Variants in TSC22D2 observed in about 807,000 individuals in gnomAD.
TSC22D2 encodes TSC22 domain family protein 2.
In TSC22D2, 5 loss-of-function variants were observed where a neutral mutation model predicts 50.1. That is an observed-to-expected ratio of 0.10 (90% confidence interval 0.05 to 0.21). TSC22D2 has a LOEUF of 0.21. Among genes scored for constraint, TSC22D2 ranks in the 10% least tolerant of loss-of-function variants. TSC22D2 has a pLI of 1.00. For missense variants in TSC22D2, 1,003 were observed against 1,015.5 expected, an observed-to-expected ratio of 0.99 and a Z score of 0.17; for synonymous variants, 501 against 450.1, an observed-to-expected ratio of 1.11 and a Z score of -1.43.
chr3:150,415,003 G>A (rs1719747890), intron 1 of TSC22D2, among the ~76,000 whole-genome samples: 1 of 150,552 alleles, frequency 6.6e-6, no homozygotes, highest in Non-Finnish European at 1.5e-5. Flanking sequence ...TTCTTACTGA[G>A]GAGTTAGTAG....
intron 1 of TSC22D2, among the ~76,000 whole-genome samples, chr3:150,443,719 A>G (rs1720789402): frequency 6.6e-6 from 1 of 152,182 alleles, no homozygotes; most frequent in South Asian, 2.1e-4. Flanking sequence ...CACCCTTTAG[A>G]CTTAATTTTG....
At chr3:150,421,374 G>A (rs919570070) in intron 1 of TSC22D2, among the ~76,000 whole-genome samples, 2 of 152,056 alleles carry the variant, frequency 1.3e-5, no homozygotes, top group African/African-American at 4.8e-5. Flanking sequence ...ATGTTCAATT[G>A]GTTCAGTTAG....
intron 1 of TSC22D2, among the ~76,000 whole-genome samples, chr3:150,423,743 C>A (rs929053623): frequency 6.6e-6 from 1 of 152,132 alleles, no homozygotes; most frequent in African/African-American, 2.4e-5. Flanking sequence ...GCAAAAGATA[C>A]TTTGGTTTAT....
Position 150,411,297 on chromosome 3 carries a change from T to A in TSC22D2, c.1947T>A (p.Gly649=). 1 of 1,607,938 alleles carries A rather than the reference T, an allele frequency of 6.2e-7. No individual in the cohort carries two copies. The highest frequency in any genetic ancestry group is 1.7e-5 in the Admixed American group (1 of 59,328). ...SVFSIAIPVD[G]DEDSASGGGV... Reference sequence around the variant, plus strand: ...TCAGCATAGCTATTCCTGTTGATGGTGATGAAGACAGGTATGGAAATCTCT... The same window carrying A: ...TCAGCATAGCTATTCCTGTTGATGGAGATGAAGACAGGTATGGAAATCTCT... Residue 649 remains glycine (G), a synonymous_variant, in exon 1 of 3, where the codon GGT becomes GGA. Coordinates refer to ENST00000688009, the MANE Select transcript of TSC22D2 (RefSeq NM_001303264.2).
At chr3:150,457,260 T>C in intron 2 of TSC22D2, 133 bp downstream of exon 2, 2 of 829,740 alleles carry the variant, frequency 2.4e-6, no homozygotes, top group Non-Finnish European at 3.9e-6. Flanking sequence ...GATAATGAGA[T>C]TTAGTTGAAG....
chr3:150,455,522 T>C (rs1721158737), intron 1 of TSC22D2, among the ~76,000 whole-genome samples: 1 of 152,226 alleles, frequency 6.6e-6, no homozygotes, highest in African/African-American at 2.4e-5. Flanking sequence ...CATGTAATGA[T>C]TCAAGATTTC....
In TSC22D2 at chr3:150,425,003, C is replaced by T. The variant is rs904604251; in HGVS notation, c.1958+13695C>T. ...CAGTTGGCAACTATCTACAGAATTACTGATAGGTATATCAGCTAATAAAGT... is the reference window on the plus strand; with the variant it reads ...CAGTTGGCAACTATCTACAGAATTATTGATAGGTATATCAGCTAATAAAGT... On this transcript the variant is annotated intron_variant, in intron 1 of 2. Coordinates refer to ENST00000688009, the MANE Select transcript of TSC22D2 (RefSeq NM_001303264.2). Among the ~76,000 whole-genome samples, 5 of 152,136 alleles carry T rather than the reference C, an allele frequency of 3.3e-5. No individual in the cohort carries two copies. In the South Asian group the frequency reaches 6.2e-4, roughly 19 times the overall value.
Position 150,458,878 on chromosome 3 carries a change from G to A in TSC22D2, c.*242G>A. 4.5e-6 allele frequency: 2 copies of A among 445,784 alleles called. No individual in the cohort carries two copies. The highest frequency in any genetic ancestry group is 4.5e-5 in the South Asian group (1 of 22,068). 27.6% of individuals were successfully genotyped at this position (445,784 alleles called of 1,614,324 possible). ...AATAATAGATGGGGTTTATTAAAGC[G>A]AGCAAAGTCTGCATTTTACCTGGTG... On this transcript the variant is annotated 3_prime_UTR_variant, in exon 3 of 3. Transcript: ENST00000688009.
At position 150,409,773 on chromosome 3, in the gene TSC22D2, C is replaced by T. The variant is rs1248526204; in HGVS notation, c.423C>T (p.Gly141=). The T allele has an allele frequency of 1.2e-5, 19 of 1,602,106 alleles. No homozygotes were observed. Among genetic ancestry groups the T allele is most frequent in the Non-Finnish European group, 1.5e-5 (18 of 1,179,236 alleles). Residue 141 remains glycine (G), a synonymous_variant, in exon 1 of 3, where the codon GGC becomes GGT. Transcript: ENST00000688009. The surrounding 1 kb of genome is among the most constrained non-coding windows in gnomAD (Gnocchi z 7.4). ...PGAPGGPQLA[G]SSAGPVTAAP... The stretch of plus-strand genomic sequence containing the variant: ...CACCCGGCGGCCCCCAGCTCGCGGG[C>T]TCATCCGCCGGGCCAGTGACTGCAG...
In TSC22D2 at chr3:150,411,151, C is replaced by G. The variant is rs760290092; in HGVS notation, c.1801C>G (p.Leu601Val). The change falls in exon 1 of 3, where the codon CTA (leucine) becomes GTA (valine). Residue 601 changes from leucine to valine, a missense_variant. Coordinates refer to ENST00000688009, the MANE Select transcript of TSC22D2 (RefSeq NM_001303264.2). ...CGATACTAGAAGAAAATCAGAACCC[C>G]TACCTCAACCACCACTTTCTCTCAT... ...VDDTRRKSEP[L>V]PQPPLSLIAE... The G allele has an allele frequency of 6.2e-7, 1 of 1,614,176 alleles. No individual in the cohort carries two copies.
intron 1 of TSC22D2, chr3:150,438,357 A>G (rs1720615439): frequency 3.6e-6 from 1 of 277,912 alleles, no homozygotes; most frequent in African/African-American, 2.2e-5. Context: ...ATAAATTGGT[A>G]AGACTTAATG....
chr3:150,459,422 A>G lies in TSC22D2; in HGVS notation c.*786A>G, dbSNP rs1433280723. On this transcript the variant is annotated 3_prime_UTR_variant, in exon 3 of 3. Transcript: ENST00000688009. ...AAGAAAACTTTGTTCATTTGTTTCT[A>G]CTTTCTAAGAGAAATTGCCACGATT... 2 of 152,532 alleles carry G rather than the reference A, an allele frequency of 1.3e-5. No individual in the cohort carries two copies. Among genetic ancestry groups the G allele is most frequent in the African/African-American group, 2.4e-5 (1 of 41,436 alleles). The allele number at this position is 152,532 out of a possible 1,614,324, so 9.4% of individuals were successfully genotyped here.
intron 1 of TSC22D2, among the ~76,000 whole-genome samples, chr3:150,443,354 T>G (rs1414456816): frequency 2.6e-5 from 4 of 152,216 alleles, no homozygotes; most frequent in African/African-American, 9.6e-5. Flanking sequence ...TTTCTGTATT[T>G]TCATAGCTGC....
intron 1 of TSC22D2, among the ~76,000 whole-genome samples, chr3:150,434,795 T>C (rs1331344568): frequency 1.3e-5 from 2 of 152,116 alleles, no homozygotes; most frequent in East Asian, 3.9e-4. Context: ...TATATATGTG[T>C]ATATACATGT....
chr3:150,413,343 T>C (rs763714318), intron 1 of TSC22D2, among the ~76,000 whole-genome samples: 5 of 152,164 alleles, frequency 3.3e-5, no homozygotes, highest in African/African-American at 4.8e-5. Context: ...AGTCCTATTT[T>C]AAACATGACA....
In TSC22D2 at chr3:150,409,915, G is replaced by A; in HGVS notation, c.565G>A (p.Asp189Asn). ...GACGTGTATGGAATACTATGAGAGG[G>A]ATTCAGACAGCAGCGTCCTGACTAG... ...RWTCMEYYER[D>N]SDSSVLTRSG... is the part of the protein sequence containing the mutation. The change falls in exon 1 of 3, where the codon GAT (aspartate) becomes AAT (asparagine). Residue 189 changes from aspartate to asparagine, a missense_variant. Transcript: ENST00000688009. This position sits in a 1 kb window ranked among gnomAD's most constrained non-coding sequence, Gnocchi z 7.4. The A allele has an allele frequency of 6.2e-7, 1 of 1,613,862 alleles. No homozygotes were observed. The highest frequency in any genetic ancestry group is 8.5e-7 in the Non-Finnish European group (1 of 1,180,030).
intron 1 of TSC22D2, among the ~76,000 whole-genome samples, chr3:150,450,414 T>C (rs761745563): frequency 1.3e-4 from 20 of 152,116 alleles, no homozygotes; most frequent in Non-Finnish European, 2.5e-4. Flanking sequence ...AAATAACTTA[T>C]TTTGTGTTAC....
intron 1 of TSC22D2, among the ~76,000 whole-genome samples, chr3:150,433,533 C>T (rs538029172): frequency 1.4e-3 from 210 of 152,252 alleles, no homozygotes; most frequent in Non-Finnish European, 2.4e-3. Flanking sequence ...TACACAGTAT[C>T]GGAAGGGGAA....
chr3:150,441,552 G>A (rs1720717750), intron 1 of TSC22D2, among the ~76,000 whole-genome samples: 1 of 152,100 alleles, frequency 6.6e-6, no homozygotes, highest in African/African-American at 2.4e-5. Flanking sequence ...TTGAGCCCAG[G>A]AGTTCAAGAC....
Sources: allele counts gnomAD v4.1 joint callset (sites outside exome capture counted in the v4.1 genomes callset), GRCh38; gene constraint gnomAD v4.1.1; non-coding constraint Gnocchi (gnomAD v3.1); transcripts MANE v1.5; gene names NCBI Gene and HGNC (gene_info 2026-07-23, HGNC 2026-07-21).